GLI3: variants seen among roughly 807,000 people sequenced by gnomAD.
The protein encoded by GLI3 is transcription activator GLI3.
A neutral mutation model predicts 100.8 loss-of-function variants in GLI3; 20 were observed. The ratio of observed to expected loss-of-function variants is 0.20; its 90% CI spans 0.14 to 0.29. The LOEUF (loss-of-function observed/expected upper bound fraction) is 0.29. GLI3 is among the 10% of genes least tolerant of loss of function. GLI3 has a pLI of 1.00. For missense variants in GLI3, 2,040 were observed against 2,128.5 expected (o/e 0.96, Z 0.82); for synonymous variants, 938 against 860.5 (o/e 1.09, Z -1.58).
chr7:41,986,799 A>G (rs1157908966), intron 10 of GLI3, among the ~76,000 whole-genome samples: 1 of 151,910 alleles, frequency 6.6e-6, no homozygotes, highest in East Asian at 1.9e-4. Context: ...TATACTTTAA[A>G]TGGATGAATT....
chr7:42,192,990 A>T (rs530617605), intron 2 of GLI3, among the ~76,000 whole-genome samples: 22 of 152,212 alleles, frequency 1.4e-4, no homozygotes, highest in Non-Finnish European at 3.1e-4. Flanking sequence ...AGACTTGATG[A>T]TTAAGAGACT....
intron 10 of GLI3, among the ~76,000 whole-genome samples, chr7:41,985,068 T>C (rs1443683817): frequency 2.0e-5 from 3 of 152,240 alleles, no homozygotes; most frequent in Non-Finnish European, 2.9e-5. Context: ...GTTCACTGGG[T>C]TCACTGGTGA....
Position 41,964,021 on chromosome 7 carries a change from C to T in GLI3, c.*309G>A, listed in dbSNP as rs1787081177. ...CTAAAAGAAAGAAGAATATGCACAT[C>T]ACAAATTTACATCGGTTTACTAAAA... On this transcript the variant is annotated 3_prime_UTR_variant, in exon 15 of 15. Transcript: ENST00000395925. The T allele has an allele frequency of 1.1e-5, 3 of 263,134 alleles. No homozygotes were observed. The South Asian group carries it at 1.6e-4, about 14-fold the overall frequency. The allele number at this position is 263,134 out of a possible 1,614,324, so 16.3% of individuals were successfully genotyped here. A position where few individuals can be genotyped will look rare whatever the true frequency, so the allele number is the denominator to read the frequency against.
chr7:41,980,579 T>C (rs1787636225), intron 10 of GLI3, among the ~76,000 whole-genome samples: 1 of 150,344 alleles, frequency 6.7e-6, no homozygotes. Flanking sequence ...GATTAATGCA[T>C]ATGAAAGGGA....
chr7:42,067,213 T>C (rs945834448), intron 4 of GLI3, among the ~76,000 whole-genome samples: 1 of 152,286 alleles, frequency 6.6e-6, no homozygotes, highest in Non-Finnish European at 1.5e-5. Context: ...GGACTTACAA[T>C]TCTAAATTTG....
intron 3 of GLI3, among the ~76,000 whole-genome samples, chr7:42,135,244 TA>T (rs1202763594): frequency 2.0e-5 from 3 of 152,228 alleles, no homozygotes; most frequent in Non-Finnish European, 4.4e-5. Context: ...TAAAAAAATC[TA>T]AAAATTCATC....
intron 10 of GLI3, among the ~76,000 whole-genome samples, chr7:41,999,702 T>A (rs1788231013): frequency 6.6e-6 from 1 of 152,216 alleles, no homozygotes; most frequent in South Asian, 2.1e-4. Context: ...CGACCTTGAA[T>A]TTGATAACAT....
At chr7:42,220,040 G>T (rs1215275770) in intron 2 of GLI3, among the ~76,000 whole-genome samples, 2 of 151,992 alleles carry the variant, frequency 1.3e-5, no homozygotes, top group Admixed American at 1.3e-4. Flanking sequence ...TTTTAGTAGA[G>T]ACGGGGTTTC....
chr7:42,219,197 T>C (rs1190157735), intron 2 of GLI3, among the ~76,000 whole-genome samples: 1 of 152,214 alleles, frequency 6.6e-6, no homozygotes, highest in Non-Finnish European at 1.5e-5. Context: ...AAAGCCAATA[T>C]GTGAAATGCC....
intron 10 of GLI3, among the ~76,000 whole-genome samples, chr7:42,018,398 C>T (rs555005439): frequency 1.3e-5 from 2 of 152,258 alleles, no homozygotes; most frequent in South Asian, 2.1e-4. Flanking sequence ...AGACCCCTAT[C>T]GCATCTTAAA....
chr7:42,045,485 G>C lies in GLI3; in HGVS notation c.725C>G (p.Ala242Gly). Residue 242 changes from alanine (A) to glycine (G), a missense_variant, in exon 6 of 15, where the codon GCC becomes GGC. Ala to Gly is a moderately conservative substitution (Grantham distance 60). Transcript: ENST00000395925. ...VSPAEYYHQMALLTGQRSPYA... is the reference protein window; with the variant it reads ...VSPAEYYHQMGLLTGQRSPYA... ...GGGGCTGCGCTGGCCAGTTAGCAGGGCCATCTGATGATAGTATTCTGCTGG... is the reference window on the plus strand; with the variant it reads ...GGGGCTGCGCTGGCCAGTTAGCAGGCCCATCTGATGATAGTATTCTGCTGG... The C allele has an allele frequency of 6.2e-7, 1 of 1,613,952 alleles. No individual in the cohort carries two copies. Among genetic ancestry groups the C allele is most frequent in the East Asian group, 2.2e-5 (1 of 44,872 alleles).
rs1230091188 is a variant in GLI3, at chr7:42,118,562, T to C, written c.367+29664A>G. The stretch of plus-strand genomic sequence containing the variant: ...AGTTTCTGTGGGGCCCAGGGGGCCA[T>C]AGTTTCTTTTCGCTCTTAAGCATCC... On this transcript the variant is annotated intron_variant, in intron 3 of 14. Coordinates refer to ENST00000395925, the MANE Select transcript of GLI3 (RefSeq NM_000168.6). Among the ~76,000 whole-genome samples the C allele has an allele frequency of 3.3e-5, 5 of 152,282 alleles. No homozygotes were observed. In the East Asian group the frequency reaches 5.8e-4, roughly 18 times the overall value.
chr7:42,253,862 C>T (rs1789057981), intron 1 of GLI3, among the ~76,000 whole-genome samples: 1 of 152,120 alleles, frequency 6.6e-6, no homozygotes, highest in South Asian at 2.1e-4. Context: ...GAGATCTTTA[C>T]CCTCCAAGTC....
chr7:41,967,661 A>C lies in GLI3; in HGVS notation c.2366T>G (p.Met789Arg). Reference sequence around the variant, plus strand: ...TAGAATGGGGTTCAGTCGCGGAAACATTCCATTCACTTGTTTTAGCCTTTC... The same window carrying C: ...TAGAATGGGGTTCAGTCGCGGAAACCTTCCATTCACTTGTTTTAGCCTTTC... Reference protein sequence around the residue: ...KLERLKQVNGMFPRLNPILPP... With the variant: ...KLERLKQVNGRFPRLNPILPP... The change falls in exon 14 of 15, where the codon ATG becomes AGG. Residue 789 changes from methionine to arginine, a missense_variant. Around this residue, in one of 5 missense-constraint regions of GLI3, gnomAD observed 327 missense variants for 338.7 expected, o/e 0.97. Coordinates refer to ENST00000395925, the MANE Select transcript of GLI3 (RefSeq NM_000168.6). The C allele has an allele frequency of 6.2e-7, 1 of 1,614,166 alleles. No homozygotes were observed. The highest frequency in any genetic ancestry group is 8.5e-7 in the Non-Finnish European group (1 of 1,180,010).
At chr7:42,033,275 A>G (rs768412236) in intron 7 of GLI3, among the ~76,000 whole-genome samples, 1 of 152,122 alleles carries the variant, frequency 6.6e-6, no homozygotes, top group Non-Finnish European at 1.5e-5. Flanking sequence ...AACTCTGTCT[A>G]CCCGCCACCT....
intron 1 of GLI3, among the ~76,000 whole-genome samples, chr7:42,225,933 T>A (rs1788572522): frequency 6.6e-6 from 1 of 152,238 alleles, no homozygotes; most frequent in South Asian, 2.1e-4. Context: ...GAATGTTTAC[T>A]GAGTACATAA....
intron 3 of GLI3, among the ~76,000 whole-genome samples, chr7:42,131,165 G>GT (rs796964453): frequency 7.2e-4 from 109 of 152,262 alleles, no homozygotes; most frequent in African/African-American, 2.6e-3. Context: ...AGTTGAAGTC[G>GT]TAAGACCTAG....
upstream of GLI3, among the ~76,000 whole-genome samples, chr7:42,239,819 C>T (rs1187664284): frequency 6.6e-6 from 1 of 152,146 alleles, no homozygotes; most frequent in Non-Finnish European, 1.5e-5. Flanking sequence ...TAAACCCATA[C>T]ATATAAGTAG....
rs969409948 is a variant in GLI3 at position 42,002,068 on chromosome 7, A to G, written c.1497+21400T>C. On this transcript the variant is annotated intron_variant, in intron 10 of 14. Coordinates refer to ENST00000395925, the MANE Select transcript of GLI3 (RefSeq NM_000168.6). ...AAAACATGGCAAGACACACACACAC[A>G]CACACACACGCACACACACACACGT... Among the ~76,000 whole-genome samples, 6 of 38,246 alleles carry G rather than the reference A, an allele frequency of 1.6e-4. No individual in the cohort carries two copies. The African/African-American group carries it at 2.5e-3, about 16-fold the overall frequency. 25.1% of individuals were successfully genotyped at this position (38,246 alleles called of 152,430 possible).
Sources: gnomAD v4.1 joint callset for allele counts (sites outside exome capture counted in the v4.1 genomes callset) on GRCh38, gnomAD v4.1.1 for gene constraint, gnomAD v4.1.1 regional missense constraint, MANE v1.5 for transcripts, NCBI Gene and HGNC (gene_info 2026-07-23, HGNC 2026-07-21) for gene names.